LGR6: variants seen among roughly 807,000 people sequenced by gnomAD.
LGR6 encodes the protein leucine rich repeat containing G protein-coupled receptor 6.
Under a neutral mutation model 69.4 loss-of-function variants are expected in LGR6, and 45 were observed. That is an observed-to-expected ratio of 0.65 (90% CI 0.51 to 0.83). LGR6 has a LOEUF of 0.83. Among genes scored for constraint, LGR6 ranks in the 40% least tolerant of loss-of-function variants. LGR6 has a pLI of 0.00. For synonymous variants in LGR6, 538 were observed against 555.0 expected (o/e 0.97, Z 0.43); for missense variants, 1,108 against 1,246.7 (o/e 0.89, Z 1.68).
Position 202,318,687 on chromosome 1 carries a change from CCTCCATGCTGG to C in LGR6, c.2385_2395del (p.Ser796ProfsTer38), listed in dbSNP as rs1327224415. Reference sequence around the variant, plus strand: ...TGTCCCGTGGCCTTCCTCAGCTTTGCCTCCATGCTGGGCCTCTTCCCTGTCACGCCCGAGGC... The same window carrying C: ...TGTCCCGTGGCCTTCCTCAGCTTTGCGCCTCTTCCCTGTCACGCCCGAGGC... On this transcript the variant is annotated frameshift_variant, in exon 18 of 18. Coordinates refer to ENST00000367278, the MANE Select transcript of LGR6 (RefSeq NM_001017403.2). LOFTEE classifies it low-confidence loss of function (END_TRUNC). 6.2e-7 allele frequency: 1 copy of C among 1,613,552 alleles called. No homozygotes were observed. Among genetic ancestry groups the C allele is most frequent in the Admixed American group, 1.7e-5 (1 of 60,008 alleles).
intron 4 of LGR6, among the ~76,000 whole-genome samples, chr1:202,248,831 C>CCTTT (rs1217534677): frequency 1.3e-5 from 2 of 152,120 alleles, no homozygotes; most frequent in African/African-American, 4.8e-5. Context: ...AGGTGTCCTG[C>CCTTT]CTTTATTGCC....
At chr1:202,302,688 AG>A (rs1667691861) in intron 9 of LGR6, among the ~76,000 whole-genome samples, 1 of 152,032 alleles carries the variant, frequency 6.6e-6, no homozygotes, top group Non-Finnish European at 1.5e-5. Flanking sequence ...CTGAGATTAC[AG>A]GCGCCCGCCA....
chr1:202,228,283 A>G (rs137855138), intron 3 of LGR6, among the ~76,000 whole-genome samples: 2 of 152,352 alleles, frequency 1.3e-5, no homozygotes, highest in Non-Finnish European at 2.9e-5. Context: ...ATGACCATCG[A>G]CATAGGTCTT....
intron 1 of LGR6, chr1:202,214,363 A>G (rs1482341239): frequency 3.3e-6 from 3 of 914,450 alleles, no homozygotes. Context: ...ATCCCCTTCC[A>G]TTGTTCTGGG....
chr1:202,276,333 G>A lies in LGR6; in HGVS notation c.456G>A (p.Leu152=), dbSNP rs769967735. 7 of 1,614,042 alleles carry A rather than the reference G, an allele frequency of 4.3e-6. No individual in the cohort carries two copies. The highest frequency in any genetic ancestry group is 5.9e-6 in the Non-Finnish European group (7 of 1,179,970). The stretch of plus-strand genomic sequence containing the variant: ...GCCTAGATGCCAACCTCATCTCCCT[G>A]GTCCCGGAGAGGAGCTTTGAGGGGC... The part of the protein sequence containing the change: ...SLRLDANLIS[L]VPERSFEGLS... The change falls in exon 5 of 18, where the codon CTG becomes CTA. Residue 152 remains leucine (L), a synonymous_variant. Transcript: ENST00000367278.
chr1:202,312,378 A>G (rs1237233549), intron 16 of LGR6, among the ~76,000 whole-genome samples: 1 of 152,202 alleles, frequency 6.6e-6, no homozygotes, highest in Admixed American at 6.5e-5. Context: ...AGGGGTGGGC[A>G]GGGAGTGAAA....
chr1:202,310,200 C>T lies in LGR6; in HGVS notation c.1410C>T (p.Ile470=), dbSNP rs774971832. 2 of 1,613,816 alleles carry T rather than the reference C, an allele frequency of 1.2e-6. No homozygotes were observed. The highest frequency in any genetic ancestry group is 1.7e-6 in the Non-Finnish European group (2 of 1,179,848). The change falls in exon 16 of 18, where the codon ATC becomes ATT. Residue 470 remains isoleucine (I), a synonymous_variant. Coordinates refer to ENST00000367278, the MANE Select transcript of LGR6 (RefSeq NM_001017403.2). ...FSKDSFPKLR[I]LEVPYAYQCC... ...CAGCCTGCCTCTCCCCCACCAGGAT[C>T]CTGGAGGTGCCTTATGCCTACCAGT... is the stretch of plus-strand genomic sequence containing the variant.
chr1:202,316,036 T>C (rs1156256044), intron 17 of LGR6, among the ~76,000 whole-genome samples: 1 of 152,244 alleles, frequency 6.6e-6, no homozygotes, highest in African/African-American at 2.4e-5. Context: ...AAATATGTTT[T>C]GAGTAATATA....
chr1:202,227,924 T>C lies in LGR6; in HGVS notation c.285-12T>C. On this transcript the variant is annotated splice_polypyrimidine_tract_variant and intron_variant, in intron 2 of 17. Transcript: ENST00000367278. Reference sequence around the variant, plus strand: ...CCTGCCAACATCGCTGACCCTTGTCTCTGATTTCCAGGCGTCTCTCTGGGA... The same window carrying C: ...CCTGCCAACATCGCTGACCCTTGTCCCTGATTTCCAGGCGTCTCTCTGGGA... 6.2e-7 allele frequency: 1 copy of C among 1,610,178 alleles called. No individual in the cohort carries two copies. The highest frequency in any genetic ancestry group is 8.5e-7 in the Non-Finnish European group (1 of 1,176,382).
intron 4 of LGR6, among the ~76,000 whole-genome samples, chr1:202,244,775 A>T (rs1662507871): frequency 6.6e-6 from 1 of 152,096 alleles, no homozygotes; most frequent in Non-Finnish European, 1.5e-5. Context: ...TTCACCCACT[A>T]CAAGGCGAGG....
chr1:202,273,102 TG>T (rs991857689), intron 4 of LGR6, among the ~76,000 whole-genome samples: 2 of 152,198 alleles, frequency 1.3e-5, no homozygotes, highest in African/African-American at 4.8e-5. Context: ...TGTGGGGCCT[TG>T]GGGGGCTTAA....
chr1:202,304,569 C>T lies in LGR6; in HGVS notation c.1009C>T (p.Arg337Cys), dbSNP rs762462851. 62 of 1,608,904 alleles carry T rather than the reference C, an allele frequency of 3.9e-5. No homozygotes were observed. The highest frequency in any genetic ancestry group is 1.7e-4 in the South Asian group (15 of 90,694). ...TTSLEILTLT[R>C]AGIRLLPSGM... ...CTGTTCTCCCTGCAGGACCCTGACC[C>T]GCGCAGGCATCCGGCTGCTCCCATC... The change falls in exon 11 of 18, where the codon CGC (arginine) becomes TGC (cysteine). Residue 337 changes from arginine (R) to cysteine (C), a missense_variant. By Grantham distance (180) the Arg-to-Cys change is radical (BLOSUM62 -3). Transcript: ENST00000367278.
chr1:202,279,572 A>T (rs1436397651), intron 5 of LGR6, among the ~76,000 whole-genome samples: 1 of 152,204 alleles, frequency 6.6e-6, no homozygotes, highest in Non-Finnish European at 1.5e-5. Flanking sequence ...GGAACAATGT[A>T]TGCTTTTGAG....
chr1:202,286,050 C>T (rs1272182269), intron 6 of LGR6, among the ~76,000 whole-genome samples: 1 of 152,190 alleles, frequency 6.6e-6, no homozygotes, highest in Non-Finnish European at 1.5e-5. Context: ...GTCTCCTCTT[C>T]TTGTAAGAAC....
intron 1 of LGR6, among the ~76,000 whole-genome samples, chr1:202,220,024 G>T (rs1303157224): frequency 1.3e-5 from 2 of 151,454 alleles, no homozygotes; most frequent in Non-Finnish European, 2.9e-5. Flanking sequence ...AATTACAGGT[G>T]ACCTTCACCA....
chr1:202,253,620 CTTTTTTTTTTTTTTT>C (rs71141468), intron 4 of LGR6, among the ~76,000 whole-genome samples: 1 of 52,460 alleles, frequency 1.9e-5, no homozygotes, highest in African/African-American at 6.9e-5. Flanking sequence ...TCCTACTATT[CTTTTTTTTTTTTTTT>C]TTTTTTTTTT....
At chr1:202,247,103 T>C (rs1662772795) in intron 4 of LGR6, among the ~76,000 whole-genome samples, 1 of 152,228 alleles carries the variant, frequency 6.6e-6, no homozygotes, top group Non-Finnish European at 1.5e-5. Flanking sequence ...TTCTCAGACT[T>C]AGTGAACTGG....
intron 16 of LGR6, 61 bp downstream of exon 16, chr1:202,310,418 G>C (rs974444989): frequency 7.2e-5 from 109 of 1,510,264 alleles, no homozygotes; most frequent in Non-Finnish European, 9.9e-5. Flanking sequence ...AAGTTAGAGG[G>C]GATGCTTGGG....
intron 11 of LGR6, among the ~76,000 whole-genome samples, chr1:202,305,121 A>G (rs1301406739): frequency 1.3e-5 from 2 of 152,098 alleles, no homozygotes; most frequent in African/African-American, 4.8e-5. Flanking sequence ...GGACCAACGC[A>G]TAGTGTGTGG....
Sources: gnomAD v4.1 joint callset for allele counts (sites outside exome capture counted in the v4.1 genomes callset) on GRCh38, gnomAD v4.1.1 for gene constraint, MANE v1.5 for transcripts, NCBI Gene and HGNC (gene_info 2026-07-23, HGNC 2026-07-21) for gene names.